The following EPB41 variants were observed in gnomAD, a reference collection of about 807,000 sequenced individuals.
The protein encoded by EPB41 is protein 4.1.
A neutral mutation model predicts 108.0 loss-of-function variants in EPB41; 65 were observed. The ratio of observed to expected loss-of-function variants is 0.60; its 90% CI spans 0.49 to 0.74. The LOEUF (loss-of-function observed/expected upper bound fraction) is 0.74, where lower values mean the gene tolerates loss of function less well. Among genes scored for constraint, EPB41 ranks in the 30% least tolerant of loss-of-function variants. The pLI, the probability that EPB41 is intolerant of heterozygous loss-of-function variation, is 0.00. For synonymous variants in EPB41, 336 were observed against 358.9 expected, an observed-to-expected ratio of 0.94 and a Z score of 0.72; for missense variants, 875 against 1,037.0, an observed-to-expected ratio of 0.84 and a Z score of 2.15.
At chr1:29,106,564 A>AATG (rs1233211329) in intron 17 of EPB41, among the ~76,000 whole-genome samples, 1 of 50,882 alleles carries the variant, frequency 2.0e-5, no homozygotes, top group African/African-American at 8.5e-5. Context: ...AGTAGCTGGG[A>AATG]TTTTTTTTTT....
At chr1:28,903,330 T>C (rs917109488) in intron 1 of EPB41, among the ~76,000 whole-genome samples, 4 of 149,872 alleles carry the variant, frequency 2.7e-5, no homozygotes, top group African/African-American at 4.9e-5. Context: ...TTCTTTCTTT[T>C]TTTTTTTTTT....
intron 16 of EPB41, among the ~76,000 whole-genome samples, chr1:29,086,581 TC>T (rs1659047647): frequency 6.6e-6 from 1 of 152,084 alleles, no homozygotes; most frequent in Non-Finnish European, 1.5e-5. Context: ...CACCTTAAGA[TC>T]CTTTTCATGT....
At chr1:29,007,135 A>G (rs541539880) in intron 4 of EPB41, among the ~76,000 whole-genome samples, 1 of 151,702 alleles carries the variant, frequency 6.6e-6, no homozygotes, top group Non-Finnish European at 1.5e-5. Context: ...CCCTGTTGTC[A>G]GGCTGGAGTG....
intron 1 of EPB41, among the ~76,000 whole-genome samples, chr1:28,918,315 G>A (rs1347058033): frequency 1.3e-5 from 2 of 151,758 alleles, no homozygotes; most frequent in African/African-American, 4.8e-5. Flanking sequence ...GCCTCCCAAA[G>A]TGCTGGGATT....
chr1:28,967,443 A>G (rs1257094565), intron 1 of EPB41, among the ~76,000 whole-genome samples: 1 of 152,168 alleles, frequency 6.6e-6, no homozygotes, highest in African/African-American at 2.4e-5. Context: ...CTGGTAAACT[A>G]TTTAATGTGA....
intron 4 of EPB41, among the ~76,000 whole-genome samples, chr1:29,008,056 T>C (rs759007795): frequency 6.6e-6 from 1 of 152,232 alleles, no homozygotes; most frequent in Non-Finnish European, 1.5e-5. Flanking sequence ...CAATTGTTGA[T>C]GTACATGTAG....
intron 1 of EPB41, among the ~76,000 whole-genome samples, chr1:28,957,333 CTA>C (rs1187248917): frequency 1.3e-5 from 2 of 152,178 alleles, no homozygotes; most frequent in Non-Finnish European, 2.9e-5. Flanking sequence ...TTTTCCTCCA[CTA>C]TATGTAGAGA....
chr1:29,079,169 G>T (rs936526526), intron 16 of EPB41, among the ~76,000 whole-genome samples: 1 of 151,800 alleles, frequency 6.6e-6, no homozygotes, highest in Admixed American at 6.6e-5. Context: ...CTAATTTTTT[G>T]TATTTTTAGT....
At chr1:28,952,968 A>G (rs1397506570) in intron 1 of EPB41, among the ~76,000 whole-genome samples, 1 of 152,158 alleles carries the variant, frequency 6.6e-6, no homozygotes, top group East Asian at 1.9e-4. Context: ...ACCTCAAGTG[A>G]TGCGCCTGCC....
intron 16 of EPB41, among the ~76,000 whole-genome samples, chr1:29,078,534 G>A (rs779411951): frequency 2.0e-5 from 3 of 152,054 alleles, no homozygotes; most frequent in Admixed American, 1.3e-4. Flanking sequence ...TGAGGCAGGA[G>A]GATCACTTGA....
intron 17 of EPB41, among the ~76,000 whole-genome samples, chr1:29,106,408 G>A (rs904125953): frequency 1.3e-5 from 2 of 151,694 alleles, no homozygotes; most frequent in East Asian, 1.9e-4. Flanking sequence ...ACAGTGCTAC[G>A]GTGTAGGCAG....
At chr1:28,901,066 A>G (rs1009131689) in intron 1 of EPB41, among the ~76,000 whole-genome samples, 5 of 151,300 alleles carry the variant, frequency 3.3e-5, no homozygotes, top group African/African-American at 9.7e-5. Context: ...AGTAGCTGGG[A>G]TTATAGGTGC....
At chr1:29,013,340 A>G (rs1267446833) in intron 5 of EPB41, among the ~76,000 whole-genome samples, 7 of 151,818 alleles carry the variant, frequency 4.6e-5, no homozygotes, top group Non-Finnish European at 1.0e-4. Flanking sequence ...AAAAAAAATT[A>G]CAGAATGATA....
rs138662240 is a variant in EPB41, at chr1:28,960,768, C to T, written c.-7-26663C>T. ...GAAGGCCAGGCCAGGCGCAATGGCT[C>T]ACGCCTGTAATCCTAACACTTTGGG... On this transcript the variant is annotated intron_variant, in intron 1 of 20. Transcript: ENST00000343067. Among the ~76,000 whole-genome samples, 1,036 of 151,458 alleles carry T rather than the reference C, an allele frequency of 6.8e-3. 8 individuals carry two copies. Among genetic ancestry groups the T allele is most frequent in the African/African-American group, 0.024 (974 of 41,292 alleles).
Position 29,069,515 on chromosome 1 carries a change from A to G in EPB41, c.2184+4357A>G, listed in dbSNP as rs1471900682. The stretch of plus-strand genomic sequence containing the variant: ...TTATACTTTTTGTTTTTCTTTTGCA[A>G]TCTTTAAAATGTATAAGATTAAGAT... On this transcript the variant is annotated intron_variant, in intron 16 of 20. Transcript: ENST00000343067. The G allele has an allele frequency of 7.7e-6, 8 of 1,036,042 alleles. No individual in the cohort carries two copies. The African/African-American group carries it at 8.3e-5, about 11-fold the overall frequency. The allele number at this position is 1,036,042 out of a possible 1,614,324, so 64.2% of individuals were successfully genotyped here.
intron 1 of EPB41, among the ~76,000 whole-genome samples, chr1:28,901,209 G>GT (rs1248896463): frequency 6.7e-6 from 1 of 149,258 alleles, no homozygotes; most frequent in Non-Finnish European, 1.5e-5. Context: ...GATTACAGGC[G>GT]TGAGCCACTG....
At chr1:28,963,837 A>T (rs536832303) in intron 1 of EPB41, among the ~76,000 whole-genome samples, 23 of 152,328 alleles carry the variant, frequency 1.5e-4, no homozygotes, top group African/African-American at 5.1e-4. Context: ...CTTTTAGCAC[A>T]TTTAAACTAT....
intron 1 of EPB41, among the ~76,000 whole-genome samples, chr1:28,963,798 T>C (rs1404255163): frequency 6.6e-6 from 1 of 152,220 alleles, no homozygotes; most frequent in Non-Finnish European, 1.5e-5. Flanking sequence ...GAGTTTACAC[T>C]CAACATTGTC....
At chr1:28,919,163 G>A (rs531547264) in intron 1 of EPB41, among the ~76,000 whole-genome samples, 219 of 152,152 alleles carry the variant, frequency 1.4e-3, no homozygotes, top group Non-Finnish European at 2.5e-3. Context: ...ATTGGTTTTG[G>A]GAAAATCCGA....
Sources: allele counts gnomAD v4.1 joint callset (sites outside exome capture counted in the v4.1 genomes callset), GRCh38; gene constraint gnomAD v4.1.1; transcripts MANE v1.5; gene names NCBI Gene and HGNC (gene_info 2026-07-23, HGNC 2026-07-21).